The following SNX3 variants were observed in gnomAD, a reference collection of about 807,000 sequenced individuals.
The protein encoded by SNX3 is sorting nexin 3, also known as sorting nexin-3.
Under a neutral mutation model 17.7 loss-of-function variants are expected in SNX3, and 5 were observed. The observed-to-expected ratio is 0.28, with a 90% CI of 0.15 to 0.59. The LOEUF (loss-of-function observed/expected upper bound fraction) is 0.59. SNX3 is among the 20% of genes least tolerant of loss of function. SNX3 has a pLI of 0.88. For synonymous variants in SNX3, 91 were observed against 76.5 expected (o/e 1.19, Z -0.99); for missense variants, 132 against 206.8 (o/e 0.64, Z 2.22).
chr6:108,250,845 A>G (rs1775834738), intron 1 of SNX3, among the ~76,000 whole-genome samples: 1 of 152,248 alleles, frequency 6.6e-6, no homozygotes, highest in African/African-American at 2.4e-5. Context: ...AGTTTACAGA[A>G]CAAATAATTA....
chr6:108,216,673 C>CA (rs1285495327), intron 2 of SNX3, among the ~76,000 whole-genome samples: 4 of 151,834 alleles, frequency 2.6e-5, no homozygotes, highest in Admixed American at 6.6e-5. Context: ...TACACATATT[C>CA]AAAAAAATTA....
At chr6:108,250,432 A>G (rs974467002) in intron 1 of SNX3, among the ~76,000 whole-genome samples, 4 of 152,228 alleles carry the variant, frequency 2.6e-5, no homozygotes, top group African/African-American at 9.6e-5. Context: ...TATTTATAAA[A>G]AAAGGTAAGC....
chr6:108,246,226 G>C (rs190633959), intron 1 of SNX3, among the ~76,000 whole-genome samples: 308 of 151,084 alleles, frequency 2.0e-3, no homozygotes, highest in African/African-American at 7.2e-3. Flanking sequence ...TTTTTTGCTA[G>C]GTTTGTCGAG....
intron 1 of SNX3, among the ~76,000 whole-genome samples, chr6:108,258,062 C>G (rs1176542675): frequency 1.3e-5 from 2 of 152,216 alleles, no homozygotes; most frequent in Non-Finnish European, 2.9e-5. Context: ...GCATTTATGA[C>G]TGTTAACAGC....
At chr6:108,222,496 A>C (rs1022009264) in intron 2 of SNX3, among the ~76,000 whole-genome samples, 1 of 152,346 alleles carries the variant, frequency 6.6e-6, no homozygotes, top group African/African-American at 2.4e-5. Flanking sequence ...ATATCAGCAC[A>C]TATCACACAG....
chr6:108,218,428 G>C (rs1362456654), intron 2 of SNX3, among the ~76,000 whole-genome samples: 1 of 152,182 alleles, frequency 6.6e-6, no homozygotes, highest in East Asian at 1.9e-4. Context: ...TTGCTGGTAA[G>C]AATGTAAAAT....
chr6:108,244,154 T>G (rs995165561), intron 1 of SNX3, among the ~76,000 whole-genome samples: 1 of 151,304 alleles, frequency 6.6e-6, no homozygotes, highest in South Asian at 2.1e-4. Flanking sequence ...TCTCCCCCGC[T>G]TTTTTTTTCT....
At chr6:108,224,173 T>TG (rs1774905899) in intron 1 of SNX3, among the ~76,000 whole-genome samples, 1 of 152,196 alleles carries the variant, frequency 6.6e-6, no homozygotes, top group South Asian at 2.1e-4. Context: ...CTCACTCCAT[T>TG]GCCCAGGCTG....
chr6:108,246,168 T>G (rs1483763476), intron 1 of SNX3, among the ~76,000 whole-genome samples: 3 of 152,062 alleles, frequency 2.0e-5, no homozygotes, highest in Non-Finnish European at 4.4e-5. Flanking sequence ...GGCTAGCCAG[T>G]TTTCCCAGCA....
intron 2 of SNX3, 107 bp from the exon 3 acceptor site, chr6:108,214,729 G>A (rs1419126946): frequency 1.8e-5 from 21 of 1,189,990 alleles, no homozygotes; most frequent in Middle Eastern, 2.0e-4. Context: ...GCCATCGTCC[G>A]GTCAAACTAG....
At chr6:108,242,181 A>G (rs779461681) in intron 1 of SNX3, among the ~76,000 whole-genome samples, 2 of 152,092 alleles carry the variant, frequency 1.3e-5, no homozygotes, top group African/African-American at 2.4e-5. Context: ...GAATGAACAG[A>G]GCATCAGGGA....
intron 1 of SNX3, among the ~76,000 whole-genome samples, chr6:108,251,966 G>A (rs1775872029): frequency 6.6e-6 from 1 of 151,910 alleles, no homozygotes; most frequent in Non-Finnish European, 1.5e-5. Flanking sequence ...TTGGGAGGCT[G>A]AAGCATGAGA....
At chr6:108,225,563 G>A (rs1283109155) in intron 1 of SNX3, among the ~76,000 whole-genome samples, 3 of 151,870 alleles carry the variant, frequency 2.0e-5, no homozygotes, top group Non-Finnish European at 4.4e-5. Context: ...CCCGGGAGGT[G>A]GAGGTGGCAG....
At chr6:108,238,072 A>G (rs1775402741) in intron 1 of SNX3, among the ~76,000 whole-genome samples, 1 of 144,232 alleles carries the variant, frequency 6.9e-6, no homozygotes, top group Non-Finnish European at 1.5e-5. Context: ...ACTGCACTCC[A>G]GCCTGGGCAA....
rs1774504334 is a variant in SNX3, at chr6:108,214,479, A to C, written c.383+19T>G. 1 of 1,611,150 alleles carries C rather than the reference A, an allele frequency of 6.2e-7. No individual in the cohort carries two copies. Among genetic ancestry groups the C allele is most frequent in the African/African-American group, 1.3e-5 (1 of 74,822 alleles). On this transcript the variant is annotated intron_variant, in intron 3 of 3. Transcript: ENST00000230085. Reference sequence around the variant, plus strand: ...TCACTTAAAGTAGTCCTACACTTTGAGGAATAGGAAGCACTTACTTGTTTA... The same window carrying C: ...TCACTTAAAGTAGTCCTACACTTTGCGGAATAGGAAGCACTTACTTGTTTA...
Position 108,261,017 on chromosome 6 carries a change from C to T in SNX3, c.-96G>A, listed in dbSNP as rs1396543307. The T allele has an allele frequency of 1.7e-5, 20 of 1,208,584 alleles. No homozygotes were observed. Among genetic ancestry groups the T allele is most frequent in the Non-Finnish European group, 2.2e-5 (20 of 924,392 alleles). 74.9% of individuals were successfully genotyped at this position (1,208,584 alleles called of 1,614,324 possible). On this transcript the variant is annotated 5_prime_UTR_variant, in exon 1 of 4. Coordinates refer to ENST00000230085, the MANE Select transcript of SNX3 (RefSeq NM_003795.6). ...TGCTGCCCGCCGTGGGGACACGGGGCTCGCGCGCAGCGGTCGCGAAGAGAA... is the reference window on the plus strand; with the variant it reads ...TGCTGCCCGCCGTGGGGACACGGGGTTCGCGCGCAGCGGTCGCGAAGAGAA...
chr6:108,229,064 A>T (rs1296535254), intron 1 of SNX3, among the ~76,000 whole-genome samples: 1 of 152,036 alleles, frequency 6.6e-6, no homozygotes, highest in Non-Finnish European at 1.5e-5. Flanking sequence ...GTTCAAGACC[A>T]GCCTGGCCAA....
chr6:108,231,209 C>T (rs1292024072), intron 1 of SNX3, among the ~76,000 whole-genome samples: 1 of 151,934 alleles, frequency 6.6e-6, no homozygotes, highest in Non-Finnish European at 1.5e-5. Flanking sequence ...CCTCAGCCTT[C>T]CGAGTAGCTG....
At chr6:108,243,608 G>GA (rs955454301) in intron 1 of SNX3, among the ~76,000 whole-genome samples, 2 of 152,092 alleles carry the variant, frequency 1.3e-5, no homozygotes, top group African/African-American at 2.4e-5. Context: ...CCTTCCGGCT[G>GA]AAAAAAATGA....
Sources: allele counts gnomAD v4.1 joint callset (sites outside exome capture counted in the v4.1 genomes callset), GRCh38; gene constraint gnomAD v4.1.1; transcripts MANE v1.5; gene names NCBI Gene and HGNC (gene_info 2026-07-23, HGNC 2026-07-21).